Variants in ANKRD30BL observed in about 807,000 individuals in gnomAD.
ANKRD30BL encodes the protein ankyrin repeat domain 30B like.
A neutral mutation model predicts 18.4 loss-of-function variants in ANKRD30BL; 20 were observed. The observed-to-expected ratio is 1.09, with a 90% CI of 0.77 to 1.58. The LOEUF (loss-of-function observed/expected upper bound fraction) is 1.58. Among genes scored for constraint, ANKRD30BL ranks in the 40% most tolerant of loss-of-function variants. The pLI is 0.00. For missense variants in ANKRD30BL, 224 were observed against 268.6 expected, an observed-to-expected ratio of 0.83 and a Z score of 1.16; for synonymous variants, 72 against 100.9, an observed-to-expected ratio of 0.71 and a Z score of 1.72.
intron 1 of ANKRD30BL, among the ~76,000 whole-genome samples, chr2:132,220,096 T>C (rs62165522): frequency 2.6e-5 from 4 of 152,182 alleles, no homozygotes; most frequent in Non-Finnish European, 5.9e-5. Context: ...GCAGTTTTGA[T>C]ACACTCTTTT....
At chr2:132,165,764 A>AC (rs747810229), upstream of ANKRD30BL, among the ~76,000 whole-genome samples, 1 of 138,646 alleles carries the variant, frequency 7.2e-6, no homozygotes, top group Non-Finnish European at 1.6e-5. Flanking sequence ...TATATGTAAG[A>AC]CTTTTTTTTT....
intron 1 of ANKRD30BL, among the ~76,000 whole-genome samples, chr2:132,175,344 T>C (rs1558920037): frequency 6.6e-6 from 1 of 152,150 alleles, no homozygotes; most frequent in African/African-American, 2.4e-5. Flanking sequence ...GATGTGCACG[T>C]AGGCCAGATT....
chr2:132,224,904 G>A (rs1277068891), intron 1 of ANKRD30BL, among the ~76,000 whole-genome samples: 1 of 151,742 alleles, frequency 6.6e-6, no homozygotes, highest in African/African-American at 2.4e-5. Context: ...CATAGAGCAG[G>A]TTTGAAACAC....
rs1688082097 is a variant in ANKRD30BL at position 132,161,941 on chromosome 2, G to A, written c.-236C>T. The A allele has an allele frequency of 3.9e-6, 2 of 516,970 alleles. No individual in the cohort carries two copies. The highest frequency in any genetic ancestry group is 7.0e-6 in the Non-Finnish European group (2 of 286,148). 32.0% of individuals were successfully genotyped at this position (516,970 alleles called of 1,614,324 possible). On this transcript the variant is annotated 5_prime_UTR_variant, in exon 1 of 6. Transcript: ENST00000409867. ...CTGAGCAGAACCTTTAGGCAGCTGA[G>A]CAGAACCGTTAGGCAACAGCGCATG...
At chr2:132,171,277 A>G (rs1688277273) in intron 1 of ANKRD30BL, among the ~76,000 whole-genome samples, 1 of 152,188 alleles carries the variant, frequency 6.6e-6, no homozygotes, top group African/African-American at 2.4e-5. Flanking sequence ...AAAAGTATCT[A>G]AAACTCTGAC....
intron 1 of ANKRD30BL, among the ~76,000 whole-genome samples, chr2:132,234,191 G>A (rs1169136069): frequency 6.6e-6 from 1 of 152,114 alleles, no homozygotes; most frequent in Non-Finnish European, 1.5e-5. Context: ...AAAGCAGGGT[G>A]TAGAGGGAAA....
chr2:132,152,041 T>G (rs1214935671), intron 4 of ANKRD30BL: 2 of 152,206 alleles, frequency 1.3e-5, no homozygotes, highest in Non-Finnish European at 2.9e-5. Context: ...TGGTATTTTC[T>G]CATTTCTGAG....
At chr2:132,194,602 T>A (rs957014935) in intron 1 of ANKRD30BL, among the ~76,000 whole-genome samples, 2 of 152,170 alleles carry the variant, frequency 1.3e-5, no homozygotes, top group Non-Finnish European at 2.9e-5. Context: ...TCTACCCCAA[T>A]CAGCCTTCCT....
chr2:132,154,537 G>A (rs1470077723), intron 4 of ANKRD30BL, 125 bp downstream of exon 4: 2 of 502,740 alleles, frequency 4.0e-6, no homozygotes, highest in Non-Finnish European at 7.2e-6. Flanking sequence ...CTGATAATTT[G>A]TGTTGGTATT....
chr2:132,237,154 T>C (rs6717462), intron 1 of ANKRD30BL, among the ~76,000 whole-genome samples: 9,117 of 151,794 alleles, frequency 0.06, 333 homozygotes, highest in South Asian at 0.12. Flanking sequence ...AGGGATACCA[T>C]TGGGAGATAT....
At chr2:132,250,916 G>C (rs887246655) in intron 1 of ANKRD30BL, among the ~76,000 whole-genome samples, 1 of 151,954 alleles carries the variant, frequency 6.6e-6, no homozygotes, top group Non-Finnish European at 1.5e-5. Flanking sequence ...ATTTTTGGGG[G>C]TCCAGTACAA....
At chr2:132,234,680 T>C (rs1014133980) in intron 1 of ANKRD30BL, among the ~76,000 whole-genome samples, 1 of 152,090 alleles carries the variant, frequency 6.6e-6, no homozygotes, top group African/African-American at 2.4e-5. Context: ...GGCTCTGAAA[T>C]TGTGGCAATA....
Position 132,194,049 on chromosome 2 carries a change from TCTCTCTCA to T in ANKRD30BL, n.442-36911_442-36904del, listed in dbSNP as rs1213015700. On this transcript the variant is annotated intron_variant and non_coding_transcript_variant, in intron 1 of 4. Coordinates refer to the ANKRD30BL transcript ENST00000470729. Reference sequence around the variant, plus strand: ...GAGATAATTTCTCTCTCTCTCTCTCTCTCTCTCACACACACACACACACACTCACACAC... The same window carrying T: ...GAGATAATTTCTCTCTCTCTCTCTCTCACACACACACACACACTCACACAC... Among the ~76,000 whole-genome samples, 151 of 130,490 alleles carry T rather than the reference TCTCTCTCA, an allele frequency of 1.2e-3. 1 individual carries two copies. Among genetic ancestry groups the T allele is most frequent in the African/African-American group, 4.9e-3 (147 of 30,024 alleles). The allele number at this position is 130,490 out of a possible 152,430, so 85.6% of individuals were successfully genotyped here.
At chr2:132,226,832 C>T (rs1333146854) in intron 1 of ANKRD30BL, among the ~76,000 whole-genome samples, 8 of 151,870 alleles carry the variant, frequency 5.3e-5, no homozygotes, top group South Asian at 2.1e-4. Context: ...ACATGTAAAG[C>T]GCTTTGCAGC....
chr2:132,197,980 T>C (rs557599389), intron 1 of ANKRD30BL, among the ~76,000 whole-genome samples: 2 of 152,002 alleles, frequency 1.3e-5, no homozygotes, highest in South Asian at 4.1e-4. Flanking sequence ...TTTTAAATTA[T>C]AGACAGTAGA....
At chr2:132,248,176 C>A (rs1680552121) in intron 1 of ANKRD30BL, among the ~76,000 whole-genome samples, 1 of 152,118 alleles carries the variant, frequency 6.6e-6, no homozygotes, top group African/African-American at 2.4e-5. Context: ...AGTTTCCAAA[C>A]TGCTCAATCA....
At chr2:132,200,936 C>T (rs377202807) in intron 1 of ANKRD30BL, among the ~76,000 whole-genome samples, 10 of 152,066 alleles carry the variant, frequency 6.6e-5, no homozygotes, top group African/African-American at 2.4e-4. Flanking sequence ...GGTACTGGTA[C>T]CAAAACAGAG....
chr2:132,180,574 C>A, intron 1 of ANKRD30BL, among the ~76,000 whole-genome samples: 1 of 151,810 alleles, frequency 6.6e-6, no homozygotes, highest in Non-Finnish European at 1.5e-5. Context: ...TGTTATTCAC[C>A]CTCACTACAA....
intron 1 of ANKRD30BL, among the ~76,000 whole-genome samples, chr2:132,233,342 C>T (rs1190115291): frequency 6.8e-6 from 1 of 146,232 alleles, no homozygotes; most frequent in Non-Finnish European, 1.5e-5. Context: ...ACAATATTAA[C>T]TTTAAATGTA....
Sources: gnomAD v4.1 joint callset for allele counts (sites outside exome capture counted in the v4.1 genomes callset) on GRCh38, gnomAD v4.1.1 for gene constraint, MANE v1.5 for transcripts, NCBI Gene and HGNC (gene_info 2026-07-23, HGNC 2026-07-21) for gene names.